Variants in QTMAN observed in about 807,000 individuals in gnomAD.
The protein encoded by QTMAN is tRNA-queuosine alpha-mannosyltransferase.
chr2:144,056,473 T>G, the QTMAN span, among the ~76,000 whole-genome samples: 1 of 152,244 alleles, frequency 6.6e-6, no homozygotes, highest in African/African-American at 2.4e-5. Context: ...CTTCTCACCA[T>G]CTGACACACA....
At chr2:144,067,173 G>C in the QTMAN span, among the ~76,000 whole-genome samples, 1 of 152,192 alleles carries the variant, frequency 6.6e-6, no homozygotes, top group Non-Finnish European at 1.5e-5. Context: ...GCTTCAGAAA[G>C]ACATAATATC....
At chr2:144,033,293 C>T in the QTMAN span, among the ~76,000 whole-genome samples, 2 of 152,206 alleles carry the variant, frequency 1.3e-5, no homozygotes, top group Non-Finnish European at 1.5e-5. Flanking sequence ...TGACCAACAG[C>T]TATAAATTGG....
At chr2:144,162,469 G>C in the QTMAN span, among the ~76,000 whole-genome samples, 4 of 152,094 alleles carry the variant, frequency 2.6e-5, no homozygotes, top group Admixed American at 2.0e-4. Flanking sequence ...AGCTTGACTG[G>C]GATTATGCAG....
chr2:144,007,908 T>C, the QTMAN span, among the ~76,000 whole-genome samples: 1 of 152,122 alleles, frequency 6.6e-6, no homozygotes, highest in African/African-American at 2.4e-5. Context: ...TACTTGTTCA[T>C]TAACCTACAA....
chr2:144,055,209 A>G, the QTMAN span, among the ~76,000 whole-genome samples: 1 of 152,100 alleles, frequency 6.6e-6, no homozygotes, highest in Non-Finnish European at 1.5e-5. Flanking sequence ...ATTGTTGCTA[A>G]GTTTTATTGC....
At chr2:144,060,371 C>T in the QTMAN span, among the ~76,000 whole-genome samples, 2 of 152,160 alleles carry the variant, frequency 1.3e-5, no homozygotes, top group Non-Finnish European at 2.9e-5. Flanking sequence ...AGCGATTCTC[C>T]TGCCTCAGCC....
chr2:144,093,954 C>T, the QTMAN span, among the ~76,000 whole-genome samples: 18 of 152,114 alleles, frequency 1.2e-4, no homozygotes, highest in Non-Finnish European at 2.1e-4. Flanking sequence ...AAGGCATGAC[C>T]AATCTCCAAA....
At chr2:144,196,472 T>A in the QTMAN span, among the ~76,000 whole-genome samples, 2 of 152,092 alleles carry the variant, frequency 1.3e-5, no homozygotes, top group African/African-American at 4.8e-5. Context: ...AATCCCCCCA[T>A]GCCCTACATT....
chr2:144,182,895 T>TA, the QTMAN span, among the ~76,000 whole-genome samples: 11 of 90,990 alleles, frequency 1.2e-4, no homozygotes, highest in African/African-American at 4.9e-4. Flanking sequence ...TTTATATATA[T>TA]ATATATTATA....
the QTMAN span, among the ~76,000 whole-genome samples, chr2:144,260,103 C>T: frequency 6.6e-6 from 1 of 151,924 alleles, no homozygotes; most frequent in African/African-American, 2.4e-5. Flanking sequence ...ATGAAATGAT[C>T]CTAGTCTCTT....
the QTMAN span, among the ~76,000 whole-genome samples, chr2:144,199,595 A>C: frequency 6.6e-6 from 1 of 152,226 alleles, no homozygotes; most frequent in South Asian, 2.1e-4. Context: ...TGAAGATAGA[A>C]GCACTGTTAA....
the QTMAN span, among the ~76,000 whole-genome samples, chr2:144,274,678 T>G: frequency 3.3e-5 from 5 of 152,310 alleles, no homozygotes; most frequent in Admixed American, 3.3e-4. Flanking sequence ...CCACCAGACT[T>G]GTCCTATGCA....
chr2:144,210,444 T>C, the QTMAN span, among the ~76,000 whole-genome samples: 4,290 of 152,286 alleles, frequency 0.028, 204 homozygotes, highest in African/African-American at 0.098. Context: ...TTTTCAATCA[T>C]GATCCCCTAC....
the QTMAN span, among the ~76,000 whole-genome samples, chr2:144,098,315 C>T: frequency 2.0e-5 from 3 of 152,218 alleles, no homozygotes; most frequent in African/African-American, 7.2e-5. Flanking sequence ...TGTTAATGTG[C>T]TAACATAGCT....
the QTMAN span, among the ~76,000 whole-genome samples, chr2:144,012,986 T>G: frequency 1.3e-5 from 2 of 150,666 alleles, no homozygotes; most frequent in Non-Finnish European, 3.0e-5. Context: ...GAGGGAGGAG[T>G]AGTAGAGCCA....
At chr2:144,323,371 T>C in the QTMAN span, among the ~76,000 whole-genome samples, 2,928 of 152,326 alleles carry the variant, frequency 0.019, 45 homozygotes, top group Middle Eastern at 0.054. Flanking sequence ...TTCAAGGACA[T>C]TCTTAAGTGA....
the QTMAN span, among the ~76,000 whole-genome samples, chr2:143,975,772 A>G: frequency 6.6e-6 from 1 of 152,204 alleles, no homozygotes; most frequent in Admixed American, 6.5e-5. Context: ...CTGGGTTGCC[A>G]CATGGAGGAG....
the QTMAN span, among the ~76,000 whole-genome samples, chr2:144,164,573 C>T: frequency 6.6e-6 from 1 of 152,130 alleles, no homozygotes; most frequent in Non-Finnish European, 1.5e-5. Context: ...AATTCTTCTA[C>T]ACATGAACAG....
At chr2:144,142,065 TA>T in the QTMAN span, 1 of 1,602,464 alleles carries the variant, frequency 6.2e-7, no homozygotes, top group Non-Finnish European at 8.5e-7. Context: ...GCTGTAAAGG[TA>T]AAAGACAAAT....
Sources: allele counts gnomAD v4.1 joint callset (sites outside exome capture counted in the v4.1 genomes callset), GRCh38; gene constraint gnomAD v4.1.1; transcripts MANE v1.5; gene names NCBI Gene and HGNC (gene_info 2026-07-23, HGNC 2026-07-21).